The following DNAH8 variants were observed in gnomAD, a reference collection of about 807,000 sequenced individuals.
The protein encoded by DNAH8 is axonemal beta dynein heavy chain 8.
In DNAH8, 382 loss-of-function variants were observed where a neutral mutation model predicts 562.1. The ratio of observed to expected loss-of-function variants is 0.68; its 90% CI spans 0.63 to 0.74. The LOEUF (loss-of-function observed/expected upper bound fraction) is 0.74, where lower values mean the gene tolerates loss of function less well. Among genes scored for constraint, DNAH8 ranks in the 30% least tolerant of loss-of-function variants. The pLI, the probability that DNAH8 is intolerant of heterozygous loss-of-function variation, is 0.00. For synonymous variants in DNAH8, 1,881 were observed against 1,919.4 expected (o/e 0.98, Z 0.52); for missense variants, 5,203 against 5,620.4 (o/e 0.93, Z 2.37).
At position 38,832,380 on chromosome 6, in the gene DNAH8, A is replaced by G. The variant is rs759830380; in HGVS notation, c.4247A>G (p.Glu1416Gly). ...VQPKFKSNLL[E>G]SVEVFREDVI... ...CCAAAGTTTAAAAGCAATCTACTTG[A>G]GTCTGTGGAAGTTTTTCGTGAGGAC... The change falls in exon 31 of 93, where the codon GAG becomes GGG. Residue 1416 changes from glutamate to glycine, a missense_variant. Glu to Gly is a moderately conservative substitution (Grantham distance 98). Around this residue, in one of 6 missense-constraint regions of DNAH8, gnomAD observed 2,176 missense variants for 2,365.1 expected, o/e 0.92. Transcript: ENST00000327475. The G allele has an allele frequency of 6.2e-7, 1 of 1,613,834 alleles. No homozygotes were observed. The highest frequency in any genetic ancestry group is 8.5e-7 in the Non-Finnish European group (1 of 1,179,878).
At chr6:38,762,566 A>G (rs1335346643) in intron 11 of DNAH8, among the ~76,000 whole-genome samples, 2 of 152,208 alleles carry the variant, frequency 1.3e-5, no homozygotes, top group Non-Finnish European at 2.9e-5. Context: ...GTGTTTTGGC[A>G]TCAATGTCTC....
At chr6:38,951,935 T>C (rs1761936886) in intron 82 of DNAH8, among the ~76,000 whole-genome samples, 1 of 152,210 alleles carries the variant, frequency 6.6e-6, no homozygotes, top group Non-Finnish European at 1.5e-5. Flanking sequence ...AGGGATTAAT[T>C]ATTTCATTGC....
intron 88 of DNAH8, among the ~76,000 whole-genome samples, chr6:38,991,311 A>G (rs1764768258): frequency 6.6e-6 from 1 of 151,712 alleles, no homozygotes; most frequent in African/African-American, 2.4e-5. Flanking sequence ...GCTTCATTCC[A>G]CCCCCATGAT....
chr6:39,029,159 A>AC (rs1467427809), intron 92 of DNAH8, among the ~76,000 whole-genome samples: 2 of 152,072 alleles, frequency 1.3e-5, no homozygotes, highest in East Asian at 3.9e-4. Context: ...TCCACAGTCA[A>AC]CCCCTGACTT....
chr6:39,009,825 T>C (rs967202659), intron 89 of DNAH8, among the ~76,000 whole-genome samples: 10 of 151,864 alleles, frequency 6.6e-5, no homozygotes, highest in African/African-American at 2.4e-4. Flanking sequence ...CCAAGACCTT[T>C]GGTTAAGATA....
At chr6:38,915,436 A>G in intron 68 of DNAH8, 59 bp downstream of exon 68, 1 of 1,313,906 alleles carries the variant, frequency 7.6e-7, no homozygotes, top group South Asian at 2.3e-5. Flanking sequence ...ATGTTTCATT[A>G]CATGAAATTA....
Position 38,782,914 on chromosome 6 carries a change from G to A in DNAH8, c.2260-90G>A, listed in dbSNP as rs1033716296. ...ATCTAAACTGGTAGCATAATTATTT[G>A]ATATCATTTTACATATAAGTACTTT... On this transcript the variant is annotated intron_variant, in intron 16 of 92. Coordinates refer to ENST00000327475, the MANE Select transcript of DNAH8 (RefSeq NM_001206927.2). The A allele has an allele frequency of 4.9e-5, 58 of 1,178,342 alleles. No homozygotes were observed. In the African/African-American group the frequency reaches 8.8e-4, roughly 18 times the overall value. 73.0% of individuals were successfully genotyped at this position (1,178,342 alleles called of 1,614,324 possible).
In DNAH8 at chr6:38,938,102, T is replaced by A. The variant is rs781492856; in HGVS notation, c.11692T>A (p.Phe3898Ile). 2 of 1,613,278 alleles carry A rather than the reference T, an allele frequency of 1.2e-6. No individual in the cohort carries two copies. The highest frequency in any genetic ancestry group is 2.2e-5 in the South Asian group (2 of 91,012). ...CAAGATCAACGCGGCTCAGGAGGAG[T>A]TCCGGCCCGCAGCCACCCGCGGAAG... ...EIKINAAQEE[F>I]RPAATRGSIL... The change falls in exon 78 of 93, where the codon TTC becomes ATC. Residue 3898 changes from phenylalanine (F) to isoleucine (I), a missense_variant. Physicochemically the swap from Phe to Ile is conservative, Grantham distance 21. This residue lies in a region of DNAH8 where 1,399 missense variants were observed against 1,518.4 expected (regional missense o/e 0.92). Coordinates refer to ENST00000327475, the MANE Select transcript of DNAH8 (RefSeq NM_001206927.2).
chr6:38,906,248 T>C lies in DNAH8; in HGVS notation c.9195-6T>C. 2.6e-6 allele frequency: 4 copies of C among 1,556,450 alleles called. No individual in the cohort carries two copies. The highest frequency in any genetic ancestry group is 3.5e-6 in the Non-Finnish European group (4 of 1,140,784). ...ATCTAAAACTTTCTATCATTTTTCT[T>C]CTTAGGTCTTACAATGTGACTAATC... On this transcript the variant is annotated splice_polypyrimidine_tract_variant and splice_region_variant and intron_variant, in intron 62 of 92. Transcript: ENST00000327475.
chr6:38,951,614 A>C, intron 82 of DNAH8, 94 bp downstream of exon 82: 1 of 1,123,196 alleles, frequency 8.9e-7, no homozygotes, highest in Non-Finnish European at 1.3e-6. Flanking sequence ...TCTTAGAAAT[A>C]GATGTAAAAC....
chr6:38,718,314 C>T (rs1196640985), intron 1 of DNAH8, among the ~76,000 whole-genome samples: 4 of 150,420 alleles, frequency 2.7e-5, no homozygotes, highest in Non-Finnish European at 5.9e-5. Flanking sequence ...ATTTTTGCTA[C>T]AGTTTTTAGG....
intron 89 of DNAH8, among the ~76,000 whole-genome samples, chr6:39,011,387 C>T (rs1766198092): frequency 6.6e-6 from 1 of 152,176 alleles, no homozygotes; most frequent in Admixed American, 6.5e-5. Context: ...GAGTTCTCTC[C>T]CACTCCATGT....
chr6:38,722,575 TGG>T (rs748347979), intron 1 of DNAH8, among the ~76,000 whole-genome samples, 199 bp from the exon 2 acceptor site: 84 of 134,710 alleles, frequency 6.2e-4, no homozygotes, highest in Admixed American at 1.2e-3. Context: ...AGCTCCCAGG[TGG>T]GTGGGGGTGT....
chr6:38,986,283 A>C (rs1397958507), intron 87 of DNAH8, among the ~76,000 whole-genome samples: 1 of 152,258 alleles, frequency 6.6e-6, no homozygotes, highest in Non-Finnish European at 1.5e-5. Context: ...ACTTAGAAGC[A>C]ATGATCTATA....
At chr6:38,826,123 T>C (rs1326101241) in intron 28 of DNAH8, 33 bp from the exon 29 acceptor site, 2 of 1,430,940 alleles carry the variant, frequency 1.4e-6, no homozygotes, top group South Asian at 1.3e-5. Context: ...ATGCCAGTTA[T>C]ATTCTAATTT....
chr6:38,879,446 A>G (rs1319093566), intron 53 of DNAH8, among the ~76,000 whole-genome samples: 1 of 152,240 alleles, frequency 6.6e-6, no homozygotes, highest in African/African-American at 2.4e-5. Context: ...AAACTGATCA[A>G]TATAATCTGC....
At chr6:38,797,583 G>C (rs1770389706) in intron 21 of DNAH8, among the ~76,000 whole-genome samples, 1 of 151,978 alleles carries the variant, frequency 6.6e-6, no homozygotes, top group African/African-American at 2.4e-5. Flanking sequence ...CCTTATCTAT[G>C]CTTCCAATTC....
intron 28 of DNAH8, among the ~76,000 whole-genome samples, chr6:38,824,932 CA>C (rs1224935533): frequency 1.3e-5 from 2 of 152,154 alleles, no homozygotes; most frequent in Non-Finnish European, 2.9e-5. Flanking sequence ...GCAATAATTA[CA>C]AGAACTTCTG....
At chr6:38,903,092 T>C (rs1780182300) in intron 62 of DNAH8, among the ~76,000 whole-genome samples, 1 of 152,240 alleles carries the variant, frequency 6.6e-6, no homozygotes, top group Non-Finnish European at 1.5e-5. Flanking sequence ...TTCAGGTTTG[T>C]AGCTTAGGAG....
Sources: gnomAD v4.1 joint callset for allele counts (sites outside exome capture counted in the v4.1 genomes callset) on GRCh38, gnomAD v4.1.1 for gene constraint, gnomAD v4.1.1 regional missense constraint, MANE v1.5 for transcripts, NCBI Gene and HGNC (gene_info 2026-07-23, HGNC 2026-07-21) for gene names.